MPRIP: variants seen among roughly 807,000 people sequenced by gnomAD.
MPRIP encodes the protein myosin phosphatase Rho-interacting protein.
MPRIP carries 59 observed loss-of-function variants against 234.9 expected under a neutral mutation model. The observed-to-expected ratio is 0.25, with a 90% CI of 0.20 to 0.31. The LOEUF is 0.31. MPRIP is among the 10% of genes least tolerant of loss of function. The pLI is 1.00. For synonymous variants in MPRIP, 1,144 were observed against 1,263.9 expected, an observed-to-expected ratio of 0.91 and a Z score of 2.01; for missense variants, 2,436 against 3,071.0, an observed-to-expected ratio of 0.79 and a Z score of 4.89.
chr17:17,067,790 C>CCT (rs2089081437), intron 1 of MPRIP, among the ~76,000 whole-genome samples: 3 of 76,772 alleles, frequency 3.9e-5, no homozygotes, highest in East Asian at 4.5e-4. Flanking sequence ...CTTCTTCTTC[C>CCT]TTTTTTTTTT....
At chr17:17,169,213 A>C (rs1198399445) in intron 16 of MPRIP, 2 of 355,644 alleles carry the variant, frequency 5.6e-6, no homozygotes, top group Non-Finnish European at 5.6e-6. Context: ...CAGCACTGAG[A>C]TGGGTGGATC....
chr17:17,063,141 G>A (rs1198556492), intron 1 of MPRIP, among the ~76,000 whole-genome samples: 1 of 152,262 alleles, frequency 6.6e-6, no homozygotes, highest in Non-Finnish European at 1.5e-5. Flanking sequence ...GGTGTGGGAG[G>A]CAGAGGTGCA....
chr17:17,158,877 C>A lies in MPRIP; in HGVS notation c.2275C>A (p.His759Asn). The part of the protein sequence containing the change: ...NVHVEIEQRW[H>N]QVETTPLREE... ...CCACGTGGAGATTGAGCAGCGGTGG[C>A]ATCAGGTGGAGACCACACCTCTCCG... The change falls in exon 14 of 24, where the codon CAT (histidine) becomes AAT (asparagine). Residue 759 changes from histidine to asparagine, a missense_variant. Around this residue, in one of 4 missense-constraint regions of MPRIP, gnomAD observed 1,998 missense variants for 2,520.3 expected, o/e 0.79. Coordinates refer to ENST00000651222, the MANE Select transcript of MPRIP (RefSeq NM_001364716.4). 6.2e-7 allele frequency: 1 copy of A among 1,612,050 alleles called. No homozygotes were observed. Among genetic ancestry groups the A allele is most frequent in the Non-Finnish European group, 8.5e-7 (1 of 1,180,030 alleles).
intron 1 of MPRIP, among the ~76,000 whole-genome samples, chr17:17,058,779 A>G (rs539967684): frequency 2.1e-4 from 32 of 152,324 alleles, no homozygotes; most frequent in African/African-American, 6.5e-4. Flanking sequence ...CTTTTAAGGC[A>G]GTGCTGTTGG....
chr17:17,106,166 C>T (rs545096867), intron 3 of MPRIP, among the ~76,000 whole-genome samples: 2 of 152,334 alleles, frequency 1.3e-5, no homozygotes, highest in East Asian at 3.9e-4. Flanking sequence ...GTGGCCTCAC[C>T]ACCATGTCTT....
intron 23 of MPRIP, chr17:17,180,471 C>G (rs1383413180): frequency 7.3e-6 from 6 of 824,162 alleles, no homozygotes; most frequent in Middle Eastern, 2.5e-4. Flanking sequence ...TGCTCTTGTT[C>G]CCCAGCCAGG....
intron 14 of MPRIP, among the ~76,000 whole-genome samples, chr17:17,160,300 A>C (rs2045834420): frequency 6.6e-6 from 1 of 152,210 alleles, no homozygotes; most frequent in African/African-American, 2.4e-5. Flanking sequence ...CAGGAGGCAG[A>C]GGTTGCAGTG....
chr17:17,188,268 AGTGG>A lies in MPRIP; in HGVS notation c.*3378_*3381del, dbSNP rs1448363283. ...AGGGAGTCATAATGGGCCTGTGCTA[AGTGG>A]GTGATGCAGTGGACATCCCAGGGCG... On this transcript the variant is annotated 3_prime_UTR_variant, in exon 24 of 24. Coordinates refer to ENST00000651222, the MANE Select transcript of MPRIP (RefSeq NM_001364716.4). 6.6e-6 allele frequency: 1 copy of A among 152,372 alleles called. No individual in the cohort carries two copies. The highest frequency in any genetic ancestry group is 1.5e-5 in the Non-Finnish European group (1 of 68,120). The allele number at this position is 152,372 out of a possible 1,614,324, so 9.4% of individuals were successfully genotyped here. A position where few individuals can be genotyped will look rare whatever the true frequency, so the allele number is the denominator to read the frequency against.
Position 17,164,866 on chromosome 17 carries a change from GCGTGCGCAGGCTCGCAGAGCA to G in MPRIP, c.3281_3301del (p.Arg1094_Val1100del). The G allele has an allele frequency of 7.7e-7, 1 of 1,304,036 alleles. No homozygotes were observed. Among genetic ancestry groups the G allele is most frequent in the South Asian group, 1.2e-5 (1 of 81,004 alleles). The allele number at this position is 1,304,036 out of a possible 1,614,324, so 80.8% of individuals were successfully genotyped here. A position where few individuals can be genotyped will look rare whatever the true frequency, so the allele number is the denominator to read the frequency against. ...GAGCAGCTGGAGGCACGAGAGGCCAGCGTGCGCAGGCTCGCAGAGCACGTGCAGAGCCTCTGTGACGAGCGG... is the reference window on the plus strand; with the variant it reads ...GAGCAGCTGGAGGCACGAGAGGCCAGCGTGCAGAGCCTCTGTGACGAGCGG... On this transcript the variant is annotated inframe_deletion, in exon 16 of 24. Coordinates refer to ENST00000651222, the MANE Select transcript of MPRIP (RefSeq NM_001364716.4).
At position 17,167,166 on chromosome 17, in the gene MPRIP, T is replaced by C. The variant is rs1267008831; in HGVS notation, c.5575T>C (p.Tyr1859His). The change falls in exon 16 of 24, where the codon TAT becomes CAT. Residue 1859 changes from tyrosine to histidine, a missense_variant. This residue lies in a region of MPRIP where 1,998 missense variants were observed against 2,520.3 expected (regional missense o/e 0.79). Transcript: ENST00000651222. The surrounding 1 kb of genome is among the most constrained non-coding windows in gnomAD (Gnocchi z 5.9). ...CYASCRIRLE[Y>H]EKELQLCKES... ...TGCGTCCTGCAGAATCCGGCTAGAA[T>C]ATGAGAAGGAGCTCCAGCTCTGCAA... The C allele has an allele frequency of 2.3e-6, 3 of 1,303,942 alleles. No individual in the cohort carries two copies. Among genetic ancestry groups the C allele is most frequent in the Admixed American group, 4.6e-5 (2 of 43,528 alleles). 80.8% of individuals were successfully genotyped at this position (1,303,942 alleles called of 1,614,324 possible). A position where few individuals can be genotyped will look rare whatever the true frequency, so the allele number is the denominator to read the frequency against.
intron 23 of MPRIP, 154 bp downstream of exon 23, chr17:17,180,242 C>T: frequency 1.5e-6 from 1 of 669,402 alleles, no homozygotes; most frequent in Non-Finnish European, 2.5e-6. Flanking sequence ...TGGGCTGGTT[C>T]TGGTGGCTTT....
chr17:17,116,546 C>A (rs1005118316), intron 3 of MPRIP, among the ~76,000 whole-genome samples: 1 of 152,212 alleles, frequency 6.6e-6, no homozygotes, highest in Non-Finnish European at 1.5e-5. Context: ...GCTCCCAGCA[C>A]TGCTGTGCCT....
chr17:17,132,678 G>A (rs1247271362), intron 5 of MPRIP, among the ~76,000 whole-genome samples: 1 of 152,196 alleles, frequency 6.6e-6, no homozygotes, highest in Non-Finnish European at 1.5e-5. Context: ...CTGCTGTATT[G>A]GCCCTCCTGC....
chr17:17,172,262 C>T (rs909105515), intron 17 of MPRIP, among the ~76,000 whole-genome samples: 5 of 152,248 alleles, frequency 3.3e-5, no homozygotes, highest in South Asian at 2.1e-4. Context: ...GTAGCTTCAC[C>T]GGCAGGTGGC....
chr17:17,151,438 C>G (rs2045600665), intron 12 of MPRIP, among the ~76,000 whole-genome samples: 1 of 152,188 alleles, frequency 6.6e-6, no homozygotes, highest in Admixed American at 6.5e-5. Context: ...GTGCGCAGAG[C>G]ATTGCCCGGA....
At position 17,175,425 on chromosome 17, in the gene MPRIP, G is replaced by C. The variant is rs546878790; in HGVS notation, c.6870+13G>C. Reference sequence around the variant, plus strand: ...CTATGAACTAGAGGTACCATCAGGAGCCAGGCCCTGCCTGACTCAGCTCTG... The same window carrying C: ...CTATGAACTAGAGGTACCATCAGGACCCAGGCCCTGCCTGACTCAGCTCTG... On this transcript the variant is annotated intron_variant, in intron 20 of 23. Transcript: ENST00000651222. 1 of 1,593,560 alleles carries C rather than the reference G, an allele frequency of 6.3e-7. No homozygotes were observed. Among genetic ancestry groups the C allele is most frequent in the East Asian group, 2.3e-5 (1 of 43,926 alleles).
At chr17:17,096,115 G>A (rs533245929) in intron 3 of MPRIP, among the ~76,000 whole-genome samples, 3 of 152,214 alleles carry the variant, frequency 2.0e-5, no homozygotes, top group East Asian at 3.9e-4. Flanking sequence ...GAACTGGCCC[G>A]CAGCCTGTCG....
rs2045943518 is a variant in MPRIP at position 17,164,647 on chromosome 17, A to G, written c.3056A>G (p.Gln1019Arg). The change falls in exon 16 of 24, where the codon CAG becomes CGG. Residue 1019 changes from glutamine to arginine, a missense_variant. Around this residue, in one of 4 missense-constraint regions of MPRIP, gnomAD observed 1,998 missense variants for 2,520.3 expected, o/e 0.79. Coordinates refer to ENST00000651222, the MANE Select transcript of MPRIP (RefSeq NM_001364716.4). ...QAQRLMEEKLQRNYELLLESC... is the reference protein window; with the variant it reads ...QAQRLMEEKLRRNYELLLESC... Reference sequence around the variant, plus strand: ...CAGCGGCTGATGGAGGAGAAGCTGCAGAGAAACTATGAGCTGCTGCTGGAG... The same window carrying G: ...CAGCGGCTGATGGAGGAGAAGCTGCGGAGAAACTATGAGCTGCTGCTGGAG... The G allele has an allele frequency of 1.6e-6, 2 of 1,232,652 alleles. No homozygotes were observed. The highest frequency in any genetic ancestry group is 3.4e-5 in the Admixed American group (1 of 29,664). 76.4% of individuals were successfully genotyped at this position (1,232,652 alleles called of 1,614,324 possible).
At chr17:17,076,674 C>T (rs1160839970) in intron 2 of MPRIP, among the ~76,000 whole-genome samples, 1 of 152,172 alleles carries the variant, frequency 6.6e-6, no homozygotes, top group African/African-American at 2.4e-5. Flanking sequence ...TCTACAAGGC[C>T]TCTTTGCAAG....
Sources: gnomAD v4.1 joint callset for allele counts (sites outside exome capture counted in the v4.1 genomes callset) on GRCh38, gnomAD v4.1.1 for gene constraint, gnomAD v4.1.1 regional missense constraint, Gnocchi (gnomAD v3.1) non-coding constraint, MANE v1.5 for transcripts, NCBI Gene and HGNC (gene_info 2026-07-23, HGNC 2026-07-21) for gene names.